Variants in NRG3 observed in about 807,000 individuals in gnomAD.
NRG3 encodes neuregulin 3, also known as pro-neuregulin-3, membrane-bound isoform.
A neutral mutation model predicts 66.9 loss-of-function variants in NRG3; 31 were observed. The ratio of observed to expected loss-of-function variants is 0.46; its 90% CI spans 0.35 to 0.63. NRG3 has a LOEUF of 0.63. Among genes scored for constraint, NRG3 ranks in the 20% least tolerant of loss-of-function variants. The probability of loss-of-function intolerance (pLI) is 0.00; values close to 1 mark genes in which losing one functional copy is unlikely to be tolerated. For synonymous variants in NRG3, 393 were observed against 359.4 expected (o/e 1.09, Z -1.06); for missense variants, 910 against 878.9 (o/e 1.04, Z -0.45).
intron 4 of NRG3, among the ~76,000 whole-genome samples, chr10:82,880,806 G>A (rs775575860): frequency 1.3e-5 from 2 of 152,156 alleles, no homozygotes; most frequent in African/African-American, 2.4e-5. Context: ...ATTGCATGAG[G>A]TGTATCTATA....
chr10:82,231,655 T>A (rs899911783), intron 1 of NRG3, among the ~76,000 whole-genome samples: 1 of 152,272 alleles, frequency 6.6e-6, no homozygotes, highest in African/African-American at 2.4e-5. Flanking sequence ...TCACATTCCA[T>A]AATGGAAAAT....
intron 3 of NRG3, among the ~76,000 whole-genome samples, chr10:82,783,321 A>G (rs1179895249): frequency 1.3e-5 from 2 of 149,826 alleles, no homozygotes; most frequent in South Asian, 2.1e-4. Flanking sequence ...CTCTCTCACC[A>G]CTCCTATTCA....
intron 2 of NRG3, among the ~76,000 whole-genome samples, chr10:82,685,337 G>T (rs2054434533): frequency 6.6e-6 from 1 of 152,196 alleles, no homozygotes; most frequent in Non-Finnish European, 1.5e-5. Flanking sequence ...GGAAGGAAAG[G>T]AATTACTGAA....
chr10:82,649,366 A>G (rs952320856), intron 2 of NRG3, among the ~76,000 whole-genome samples: 3 of 151,822 alleles, frequency 2.0e-5, no homozygotes, highest in African/African-American at 7.3e-5. Context: ...TATCTGCTCT[A>G]AGAGGAGCTT....
At chr10:82,766,995 T>TATATATATATATGATATATATAAATCC (rs2059538706) in intron 3 of NRG3, among the ~76,000 whole-genome samples, 1 of 148,854 alleles carries the variant, frequency 6.7e-6, no homozygotes, top group Non-Finnish European at 1.5e-5. Flanking sequence ...ATATTGTGGA[T>TATATATATATATGATATATATAAATCC]ATATATATAT....
intron 1 of NRG3, among the ~76,000 whole-genome samples, chr10:82,250,724 A>G (rs772054855): frequency 3.9e-5 from 6 of 152,226 alleles, no homozygotes; most frequent in Non-Finnish European, 5.9e-5. Context: ...GTCCTTACAT[A>G]CATCACATAG....
chr10:82,063,006 A>G (rs1178450333), intron 1 of NRG3, among the ~76,000 whole-genome samples: 1 of 152,088 alleles, frequency 6.6e-6, no homozygotes, highest in South Asian at 2.1e-4. Flanking sequence ...TTGATACCCC[A>G]TTAGTGTTAG....
intron 1 of NRG3, among the ~76,000 whole-genome samples, chr10:82,125,391 A>G (rs987989822): frequency 1.3e-5 from 2 of 152,052 alleles, no homozygotes; most frequent in African/African-American, 2.4e-5. Flanking sequence ...CATTCAGTCT[A>G]TAAACCTGAA....
intron 2 of NRG3, among the ~76,000 whole-genome samples, chr10:82,361,966 T>C (rs1184857495): frequency 6.6e-6 from 1 of 151,362 alleles, no homozygotes; most frequent in Non-Finnish European, 1.5e-5. Flanking sequence ...GCATCAAATA[T>C]TTTTCTGTGT....
intron 1 of NRG3, among the ~76,000 whole-genome samples, chr10:82,203,775 A>G (rs1453322151): frequency 6.6e-6 from 1 of 152,204 alleles, no homozygotes; most frequent in Non-Finnish European, 1.5e-5. Flanking sequence ...TTTGATGAAC[A>G]AGGAATCAAC....
At chr10:82,146,411 A>T (rs1455869455) in intron 1 of NRG3, among the ~76,000 whole-genome samples, 3 of 152,114 alleles carry the variant, frequency 2.0e-5, no homozygotes, top group African/African-American at 7.2e-5. Context: ...CGTCTCTAGT[A>T]AGCAAGCCAG....
intron 2 of NRG3, among the ~76,000 whole-genome samples, chr10:82,686,854 T>A (rs1284372616): frequency 6.6e-6 from 1 of 152,180 alleles, no homozygotes; most frequent in Non-Finnish European, 1.5e-5. Context: ...ATATAGGTTT[T>A]GGGTCTATGA....
At chr10:82,457,093 A>T (rs780461204) in intron 2 of NRG3, among the ~76,000 whole-genome samples, 11 of 151,988 alleles carry the variant, frequency 7.2e-5, no homozygotes, top group Non-Finnish European at 1.6e-4. Context: ...TAAAATAAAA[A>T]CTTCCATGCA....
chr10:82,411,944 G>C (rs997399211), intron 2 of NRG3, among the ~76,000 whole-genome samples: 1 of 152,038 alleles, frequency 6.6e-6, no homozygotes, highest in Non-Finnish European at 1.5e-5. Flanking sequence ...AAAAGAAAGC[G>C]AGATAAACTG....
At position 82,876,250 on chromosome 10, in the gene NRG3, T is replaced by C. The variant is rs528214645; in HGVS notation, c.1054+10813T>C. Among the ~76,000 whole-genome samples, 14 of 151,926 alleles carry C rather than the reference T, an allele frequency of 9.2e-5. 1 individual carries two copies. The highest frequency in any genetic ancestry group is 3.4e-3 in the Middle Eastern group (1 of 294). On this transcript the variant is annotated intron_variant, in intron 4 of 8. Coordinates refer to ENST00000372141, the MANE Select transcript of NRG3 (RefSeq NM_001010848.4). ...GTTAAATAACTAGATTGGAAGTTTC[T>C]ACGTAGGTGTGAATATATGGACTTT...
At chr10:82,345,549 T>C (rs2082957819) in intron 1 of NRG3, among the ~76,000 whole-genome samples, 2 of 151,684 alleles carry the variant, frequency 1.3e-5, no homozygotes, top group South Asian at 2.1e-4. Flanking sequence ...CAATGTGGGC[T>C]CTTTTTTGGT....
chr10:82,725,827 C>G (rs1166314029), intron 2 of NRG3, among the ~76,000 whole-genome samples: 1 of 152,106 alleles, frequency 6.6e-6, no homozygotes, highest in East Asian at 1.9e-4. Flanking sequence ...AATTCACGTT[C>G]TAGTCTTTGC....
chr10:81,889,360 G>C (rs1021484784), intron 1 of NRG3: 1 of 152,174 alleles, frequency 6.6e-6, no homozygotes, highest in African/African-American at 2.4e-5. Context: ...TCATCACATG[G>C]TGAGGAATAT....
intron 1 of NRG3, among the ~76,000 whole-genome samples, chr10:82,102,120 ATATATGTGTATTCATATATATATATATAT>A (rs2066779033): frequency 6.6e-5 from 1 of 15,074 alleles, no homozygotes; most frequent in Non-Finnish European, 1.9e-4. Context: ...ATTCATATAT[ATATATGTGTATTCATATATATATATATAT>A]ATATATATAT....
Sources: allele counts gnomAD v4.1 joint callset (sites outside exome capture counted in the v4.1 genomes callset), GRCh38; gene constraint gnomAD v4.1.1; transcripts MANE v1.5; gene names NCBI Gene and HGNC (gene_info 2026-07-23, HGNC 2026-07-21).